ADCY7: variants seen among roughly 807,000 people sequenced by gnomAD.
ADCY7 encodes the protein adenylate cyclase type 7.
In ADCY7, 72 loss-of-function variants were observed where a neutral mutation model predicts 120.6. The observed-to-expected ratio is 0.60, with a 90% CI of 0.49 to 0.73. ADCY7 has a LOEUF of 0.73. ADCY7 is among the 30% of genes least tolerant of loss of function. The pLI, the probability that ADCY7 is intolerant of heterozygous loss-of-function variation, is 0.00. For synonymous variants in ADCY7, 661 were observed against 628.0 expected (o/e 1.05, Z -0.78); for missense variants, 1,227 against 1,486.0 (o/e 0.83, Z 2.87).
chr16:50,295,801 G>T (rs1021691123), intron 7 of ADCY7, among the ~76,000 whole-genome samples: 1 of 152,164 alleles, frequency 6.6e-6, no homozygotes, highest in Non-Finnish European at 1.5e-5. Context: ...TAAGTGCCAG[G>T]CCCTGAGTCT....
chr16:50,268,996 C>T (rs1162255670), intron 1 of ADCY7, among the ~76,000 whole-genome samples: 1 of 152,230 alleles, frequency 6.6e-6, no homozygotes, highest in Non-Finnish European at 1.5e-5. Context: ...ATGACTGTGC[C>T]ACTGCACTCC....
In ADCY7 at chr16:50,294,675, T is replaced by C. The variant is rs2035228136; in HGVS notation, c.872T>C (p.Leu291Pro). The C allele has an allele frequency of 2.5e-6, 4 of 1,568,678 alleles. No homozygotes were observed. Among genetic ancestry groups the C allele is most frequent in the Non-Finnish European group, 3.5e-6 (4 of 1,146,710 alleles). ...LYADIVGFTQ[L>P]ASDCSPKELV... ...GCGGACATCGTGGGCTTCACGCAGC[T>C]GGCCAGCGACTGTTCTCCCAAGGAG... Residue 291 changes from leucine (L) to proline (P), a missense_variant, in exon 7 of 26, where the codon CTG (leucine) becomes CCG (proline). Leu to Pro is a moderately conservative substitution (Grantham distance 98, BLOSUM62 -3). Coordinates refer to ENST00000673801, the MANE Select transcript of ADCY7 (RefSeq NM_001114.5).
intron 5 of ADCY7, 94 bp downstream of exon 5, chr16:50,292,919 T>C: frequency 6.7e-7 from 1 of 1,483,892 alleles, no homozygotes; most frequent in Non-Finnish European, 9.1e-7. Context: ...GTGCATGAGG[T>C]GCATGGCCAG....
In ADCY7 at chr16:50,251,236, A is replaced by T. The variant is rs2032747342; in HGVS notation, c.-64+5033A>T. Among the ~76,000 whole-genome samples the T allele has an allele frequency of 2.0e-5, 3 of 151,836 alleles. 1 individual carries two copies. In the South Asian group the frequency reaches 6.3e-4, roughly 32 times the overall value. Reference sequence around the variant, plus strand: ...GTTTGGGTGATAGAGCGAGACCCTGATTTAAAAAAAAAAAGAAAGAAAAAG... The same window carrying T: ...GTTTGGGTGATAGAGCGAGACCCTGTTTTAAAAAAAAAAAGAAAGAAAAAG... On this transcript the variant is annotated intron_variant, in intron 1 of 4. Transcript: ENST00000564044.
chr16:50,309,555 T>C lies in ADCY7; in HGVS notation c.2069T>C (p.Met690Thr). 6.2e-7 allele frequency: 1 copy of C among 1,613,970 alleles called. No homozygotes were observed. The highest frequency in any genetic ancestry group is 8.5e-7 in the Non-Finnish European group (1 of 1,179,948). ...LTVAIINLPL[M>T]PFQVPELPVG... Reference sequence around the variant, plus strand: ...GACCTGTCTCCTCTACAGCCCCTGATGCCTTTCCAAGTTCCAGAGCTGCCT... The same window carrying C: ...GACCTGTCTCCTCTACAGCCCCTGACGCCTTTCCAAGTTCCAGAGCTGCCT... The change falls in exon 18 of 26, where the codon ATG (methionine) becomes ACG (threonine). Residue 690 changes from methionine (M) to threonine (T), a missense_variant. By Grantham distance (81) the Met-to-Thr change is moderately conservative. Transcript: ENST00000673801.
intron 23 of ADCY7, 48 bp downstream of exon 23, chr16:50,314,110 G>A (rs1161603427): frequency 4.5e-6 from 7 of 1,569,574 alleles, no homozygotes; most frequent in Non-Finnish European, 5.3e-6. Context: ...CTCACTTAAA[G>A]GTGACCTGTC....
intron 10 of ADCY7, 32 bp from the exon 11 acceptor site, chr16:50,304,328 T>G: frequency 2.1e-6 from 3 of 1,397,606 alleles, no homozygotes; most frequent in South Asian, 1.7e-5. Flanking sequence ...GGGGAGGAGG[T>G]GGCACAGGCC....
intron 4 of ADCY7, 102 bp from the exon 5 acceptor site, chr16:50,292,574 G>C (rs1293003275): frequency 5.6e-6 from 8 of 1,436,572 alleles, no homozygotes; most frequent in Non-Finnish European, 7.6e-6. Context: ...TTGAAGGTCA[G>C]GGAATGGGAA....
At chr16:50,290,208 T>C (rs1194523330) in intron 2 of ADCY7, among the ~76,000 whole-genome samples, 1 of 151,384 alleles carries the variant, frequency 6.6e-6, no homozygotes, top group African/African-American at 2.4e-5. Flanking sequence ...AGATGGAGAG[T>C]GATGGCATCA....
At position 50,309,643 on chromosome 16, in the gene ADCY7, C is replaced by T. The variant is rs751468378; in HGVS notation, c.2157C>T (p.Leu719=). The T allele has an allele frequency of 1.2e-6, 2 of 1,609,184 alleles. No homozygotes were observed. The highest frequency in any genetic ancestry group is 1.7e-5 in the Admixed American group (1 of 60,012). The change falls in exon 18 of 26, where the codon CTC becomes CTT. Residue 719 remains leucine (L), a synonymous_variant. Coordinates refer to ENST00000673801, the MANE Select transcript of ADCY7 (RefSeq NM_001114.5). The part of the protein sequence containing the change: ...SSKTRALCEP[L]PYYTCSCVLG... ...AGACAAGAGCCCTGTGTGAGCCCCT[C>T]CCGGTGAGTGCGCCGGGCCCGGCTC... is the stretch of plus-strand genomic sequence containing the variant.
chr16:50,284,826 G>T (rs958164456), intron 1 of ADCY7, among the ~76,000 whole-genome samples: 2 of 152,252 alleles, frequency 1.3e-5, no homozygotes, highest in Non-Finnish European at 2.9e-5. Context: ...TCTGGGCTCA[G>T]TTCTGCATCT....
chr16:50,311,497 C>G (rs1269642165), intron 19 of ADCY7, among the ~76,000 whole-genome samples, 196 bp from the exon 20 acceptor site: 1 of 152,176 alleles, frequency 6.6e-6, no homozygotes, highest in African/African-American at 2.4e-5. Context: ...AGGTCTTCCC[C>G]ACAAGGGCTC....
chr16:50,304,331 C>G (rs2035921926), intron 10 of ADCY7, 29 bp from the exon 11 acceptor site: 3 of 1,435,362 alleles, frequency 2.1e-6, no homozygotes. Context: ...GAGGAGGTGG[C>G]ACAGGCCCAT....
chr16:50,295,237 G>A (rs988805936), intron 7 of ADCY7, among the ~76,000 whole-genome samples: 1 of 151,934 alleles, frequency 6.6e-6, no homozygotes, highest in African/African-American at 2.4e-5. Context: ...GGAGTGCAGT[G>A]GTGCCATCAC....
intron 10 of ADCY7, chr16:50,301,520 G>T (rs893517418): frequency 9.0e-6 from 3 of 332,958 alleles, no homozygotes; most frequent in Non-Finnish European, 5.5e-6. Flanking sequence ...CGTCACTCTT[G>T]GTTTATTTTC....
intron 1 of ADCY7, among the ~76,000 whole-genome samples, chr16:50,254,136 G>A (rs1192132084): frequency 3.9e-5 from 6 of 152,202 alleles, no homozygotes; most frequent in Admixed American, 3.9e-4. Context: ...GAGACATGGA[G>A]GAGATGGCAG....
Position 50,307,148 on chromosome 16 carries a change from G to A in ADCY7, c.1850+1G>A. ...TCGTCCATGTCCTGCTCATGCCCAG[G>A]TCAGTTGCAGGGAGGGGTGTGGGGG... On this transcript the variant is annotated splice_donor_variant, in intron 15 of 25. Coordinates refer to ENST00000673801, the MANE Select transcript of ADCY7 (RefSeq NM_001114.5). LOFTEE classifies it high-confidence loss of function. 6.2e-7 allele frequency: 1 copy of A among 1,611,200 alleles called. No homozygotes were observed. The highest frequency in any genetic ancestry group is 8.5e-7 in the Non-Finnish European group (1 of 1,179,898).
chr16:50,313,062 C>T (rs759002245), intron 22 of ADCY7, 26 bp downstream of exon 22: 12 of 1,612,814 alleles, frequency 7.4e-6, no homozygotes, highest in South Asian at 3.3e-5. Flanking sequence ...CAGCCTTGCG[C>T]AGCAGCCCCC....
chr16:50,279,160 C>T (rs961215576), intron 1 of ADCY7, among the ~76,000 whole-genome samples: 1 of 152,308 alleles, frequency 6.6e-6, no homozygotes, highest in East Asian at 1.9e-4. Context: ...GTGTGAGCCA[C>T]CGTGCCAGGT....
Sources: gnomAD v4.1 joint callset for allele counts (sites outside exome capture counted in the v4.1 genomes callset) on GRCh38, gnomAD v4.1.1 for gene constraint, MANE v1.5 for transcripts, NCBI Gene and HGNC (gene_info 2026-07-23, HGNC 2026-07-21) for gene names.